The following PAPPA2 variants were observed in gnomAD, a reference collection of about 807,000 sequenced individuals.
PAPPA2 encodes the protein pappalysin-2.
A neutral mutation model predicts 176.4 loss-of-function variants in PAPPA2; 86 were observed. That is an observed-to-expected ratio of 0.49 (90% CI 0.41 to 0.58). The LOEUF is 0.58. Among genes scored for constraint, PAPPA2 ranks in the 20% least tolerant of loss-of-function variants. The pLI is 0.00. For missense variants in PAPPA2, 2,073 were observed against 2,256.9 expected, an observed-to-expected ratio of 0.92 and a Z score of 1.65; for synonymous variants, 809 against 852.2, an observed-to-expected ratio of 0.95 and a Z score of 0.88.
At chr1:176,704,985 A>T (rs981354699) in intron 9 of PAPPA2, among the ~76,000 whole-genome samples, 5 of 152,218 alleles carry the variant, frequency 3.3e-5, no homozygotes, top group Admixed American at 6.5e-5. Context: ...GCACAAGATG[A>T]TACATAGCAT....
intron 1 of PAPPA2, among the ~76,000 whole-genome samples, chr1:176,503,764 G>A (rs1393191446): frequency 6.6e-6 from 1 of 152,166 alleles, no homozygotes; most frequent in Non-Finnish European, 1.5e-5. Flanking sequence ...TGCCATTCTG[G>A]AAAGTCAAGT....
chr1:176,622,826 G>T (rs1271507374), intron 3 of PAPPA2, among the ~76,000 whole-genome samples: 2 of 152,130 alleles, frequency 1.3e-5, no homozygotes, highest in African/African-American at 4.8e-5. Context: ...AAATACATTA[G>T]ACTGAGTAAT....
chr1:176,505,459 T>C (rs372856647), intron 1 of PAPPA2, among the ~76,000 whole-genome samples: 3 of 152,012 alleles, frequency 2.0e-5, no homozygotes, highest in African/African-American at 4.8e-5. Flanking sequence ...TTCTTGAAAG[T>C]AGAGAAACAC....
chr1:176,826,597 A>G (rs1378441862), intron 21 of PAPPA2, among the ~76,000 whole-genome samples: 2 of 152,248 alleles, frequency 1.3e-5, no homozygotes, highest in Non-Finnish European at 2.9e-5. Context: ...GATCAGCCAC[A>G]CAAACTGAAC....
chr1:176,771,222 G>A lies in PAPPA2; in HGVS notation c.4715+42G>A, dbSNP rs565368628. 1.3e-5 allele frequency: 20 copies of A among 1,578,214 alleles called. No homozygotes were observed. In the Admixed American group the frequency reaches 1.3e-4, roughly 11 times the overall value. On this transcript the variant is annotated intron_variant, in intron 17 of 22. Transcript: ENST00000367662. ...TGGTCTTTGGAGTTCTACCTACCTC[G>A]CTGCTTGTTATGTTTGTTTTTCTGT...
Position 176,690,125 on chromosome 1 carries a change from CTT to C in PAPPA2, c.2138-10_2138-9del. The C allele has an allele frequency of 6.3e-7, 1 of 1,586,274 alleles. No individual in the cohort carries two copies. The highest frequency in any genetic ancestry group is 8.6e-7 in the Non-Finnish European group (1 of 1,160,740). On this transcript the variant is annotated splice_polypyrimidine_tract_variant and intron_variant, in intron 4 of 22. Transcript: ENST00000367662. ...CTGTGCTCTGAAAGGCTTTTCAAAA[CTT>C]TCATTGCAGGTGGCATTGTCCTCAG...
intron 2 of PAPPA2, among the ~76,000 whole-genome samples, chr1:176,592,412 C>T (rs1653722212): frequency 6.6e-6 from 1 of 152,118 alleles, no homozygotes; most frequent in African/African-American, 2.4e-5. Context: ...ATTTCTAAAA[C>T]TTACACTAAT....
At chr1:176,840,428 G>T (rs907662069) in intron 22 of PAPPA2, among the ~76,000 whole-genome samples, 157 bp downstream of exon 22, 1 of 152,132 alleles carries the variant, frequency 6.6e-6, no homozygotes, top group African/African-American at 2.4e-5. Context: ...AAAGTGACAG[G>T]GTTAAGGGTA....
intron 14 of PAPPA2, among the ~76,000 whole-genome samples, chr1:176,763,681 C>A (rs900209947): frequency 2.6e-5 from 4 of 151,990 alleles, no homozygotes; most frequent in African/African-American, 9.7e-5. Flanking sequence ...ATACTAATTA[C>A]CTTGTGAATA....
chr1:176,624,875 G>A (rs1391915990), intron 3 of PAPPA2, among the ~76,000 whole-genome samples: 1 of 152,130 alleles, frequency 6.6e-6, no homozygotes, highest in Non-Finnish European at 1.5e-5. Flanking sequence ...ACTTAACCAG[G>A]TTGCAGGGCA....
chr1:176,508,075 T>G (rs1257426957), intron 1 of PAPPA2, among the ~76,000 whole-genome samples: 1 of 152,168 alleles, frequency 6.6e-6, no homozygotes, highest in Non-Finnish European at 1.5e-5. Context: ...TAGTAAAGGC[T>G]ACTCAACAGA....
intron 3 of PAPPA2, among the ~76,000 whole-genome samples, chr1:176,642,732 TA>T (rs1657168187): frequency 6.6e-6 from 1 of 151,924 alleles, no homozygotes; most frequent in Non-Finnish European, 1.5e-5. Context: ...GAGTGTATGT[TA>T]GGGGTAAGAA....
At chr1:176,544,880 A>C (rs543696783) in intron 1 of PAPPA2, among the ~76,000 whole-genome samples, 1 of 152,340 alleles carries the variant, frequency 6.6e-6, no homozygotes, top group South Asian at 2.1e-4. Context: ...TGGCTTACTG[A>C]AAAAGTATAC....
At chr1:176,491,038 A>T (rs1375848764) in intron 1 of PAPPA2, among the ~76,000 whole-genome samples, 2 of 152,184 alleles carry the variant, frequency 1.3e-5, no homozygotes, top group East Asian at 3.8e-4. Context: ...CTGGTTCTCT[A>T]ACTGGCTTTG....
intron 12 of PAPPA2, among the ~76,000 whole-genome samples, chr1:176,735,887 G>C (rs1366930640): frequency 2.0e-5 from 3 of 151,932 alleles, no homozygotes; most frequent in African/African-American, 2.4e-5. Flanking sequence ...AGAATCACTT[G>C]CTTTTCTAAC....
rs1657992485 is a variant in PAPPA2, at chr1:176,655,643, G to A, written c.1992-15327G>A. Among the ~76,000 whole-genome samples the A allele has an allele frequency of 2.0e-5, 3 of 151,834 alleles. No homozygotes were observed. In the South Asian group the frequency reaches 6.2e-4, roughly 31 times the overall value. Reference sequence around the variant, plus strand: ...CAGATAAAAATAATGTGTACACATGGACACAGAGTGTGAAATGATAGACAA... The same window carrying A: ...CAGATAAAAATAATGTGTACACATGAACACAGAGTGTGAAATGATAGACAA... On this transcript the variant is annotated intron_variant, in intron 3 of 22. Coordinates refer to ENST00000367662, the MANE Select transcript of PAPPA2 (RefSeq NM_020318.3).
At chr1:176,579,856 C>T (rs1011709449) in intron 2 of PAPPA2, among the ~76,000 whole-genome samples, 2 of 152,050 alleles carry the variant, frequency 1.3e-5, no homozygotes, top group Admixed American at 6.6e-5. Flanking sequence ...TAGAGTGGCA[C>T]GTGTGCAGCA....
intron 3 of PAPPA2, among the ~76,000 whole-genome samples, chr1:176,643,570 C>A (rs1158504903): frequency 6.6e-6 from 1 of 151,458 alleles, no homozygotes; most frequent in Non-Finnish European, 1.5e-5. Context: ...TACACAGAGG[C>A]CTTTCAGAAT....
At chr1:176,589,379 A>G (rs1388357722) in intron 2 of PAPPA2, among the ~76,000 whole-genome samples, 1 of 152,192 alleles carries the variant, frequency 6.6e-6, no homozygotes, top group Non-Finnish European at 1.5e-5. Context: ...TCTAAGTACA[A>G]TTTTTGGAGT....
Sources: gnomAD v4.1 joint callset for allele counts (sites outside exome capture counted in the v4.1 genomes callset) on GRCh38, gnomAD v4.1.1 for gene constraint, MANE v1.5 for transcripts, NCBI Gene and HGNC (gene_info 2026-07-23, HGNC 2026-07-21) for gene names.